Variants in CSTPP1 observed in about 807,000 individuals in gnomAD.
The protein encoded by CSTPP1 is centriolar satellite-associated tubulin polyglutamylase complex regulator 1, also known as UPF0705 protein C11orf49.
At chr11:47,090,067 T>C in the CSTPP1 span, among the ~76,000 whole-genome samples, 5 of 152,178 alleles carry the variant, frequency 3.3e-5, no homozygotes, top group Non-Finnish European at 7.3e-5. Flanking sequence ...CCACAACCTC[T>C]GCCTCCCAGG....
chr11:47,163,891 CCGCCT>C, the CSTPP1 span, among the ~76,000 whole-genome samples: 9 of 152,150 alleles, frequency 5.9e-5, no homozygotes, highest in Non-Finnish European at 1.2e-4. Flanking sequence ...AGTGATCCAC[CCGCCT>C]CAGCCTCCCA....
chr11:47,066,093 GTTT>G, the CSTPP1 span, among the ~76,000 whole-genome samples: 8 of 39,286 alleles, frequency 2.0e-4, no homozygotes, highest in Admixed American at 1.1e-3. Context: ...TGCCTTGTGG[GTTT>G]TTTTTTTTTT....
At chr11:47,162,213 T>C in the CSTPP1 span, 2 of 985,500 alleles carry the variant, frequency 2.0e-6, no homozygotes, top group Non-Finnish European at 2.4e-6. Context: ...TAAACAAACA[T>C]GTGAAACGAA....
the CSTPP1 span, among the ~76,000 whole-genome samples, chr11:47,162,686 G>A: frequency 6.6e-6 from 1 of 152,118 alleles, no homozygotes; most frequent in Admixed American, 6.5e-5. Flanking sequence ...TCTTTGGATT[G>A]AGGGCTGAAG....
the CSTPP1 span, among the ~76,000 whole-genome samples, chr11:47,065,271 G>T: frequency 6.6e-6 from 1 of 151,866 alleles, no homozygotes; most frequent in Non-Finnish European, 1.5e-5. Flanking sequence ...ATGAACATAG[G>T]ATGTGTTTCC....
chr11:47,163,809 G>A, the CSTPP1 span, among the ~76,000 whole-genome samples: 4 of 151,562 alleles, frequency 2.6e-5, no homozygotes, highest in Non-Finnish European at 4.4e-5. Context: ...CCCCCACCCC[G>A]CTAATTTTGT....
the CSTPP1 span, among the ~76,000 whole-genome samples, chr11:47,128,987 T>C: frequency 1.3e-5 from 2 of 152,206 alleles, no homozygotes; most frequent in Admixed American, 6.5e-5. Context: ...TATATCACCA[T>C]TGGGAGGGTG....
At chr11:47,030,633 G>C in the CSTPP1 span, among the ~76,000 whole-genome samples, 4 of 152,220 alleles carry the variant, frequency 2.6e-5, no homozygotes, top group Admixed American at 2.6e-4. Context: ...ATTAAGCCTA[G>C]TACCCATTAG....
At chr11:46,990,273 C>T in the CSTPP1 span, among the ~76,000 whole-genome samples, 4 of 152,200 alleles carry the variant, frequency 2.6e-5, no homozygotes, top group African/African-American at 9.6e-5. Flanking sequence ...TAAGCATCCT[C>T]TTTTCTCAGC....
At chr11:47,156,944 G>GGAA in the CSTPP1 span, 1 of 1,465,212 alleles carries the variant, frequency 6.8e-7, no homozygotes. Flanking sequence ...GACAGAGAAG[G>GGAA]GAAGACATAG....
At chr11:47,083,542 T>A in the CSTPP1 span, among the ~76,000 whole-genome samples, 1 of 152,216 alleles carries the variant, frequency 6.6e-6, no homozygotes, top group African/African-American at 2.4e-5. Flanking sequence ...ATGCCTGCAC[T>A]CTGTTACATT....
the CSTPP1 span, among the ~76,000 whole-genome samples, chr11:47,076,887 C>A: frequency 6.7e-6 from 1 of 148,464 alleles, no homozygotes; most frequent in Admixed American, 6.7e-5. Flanking sequence ...ATTGTAATAG[C>A]TGAAAGAAAA....
At chr11:47,028,938 AG>A in the CSTPP1 span, among the ~76,000 whole-genome samples, 1 of 151,980 alleles carries the variant, frequency 6.6e-6, no homozygotes, top group African/African-American at 2.4e-5. Context: ...CCCGGGCTCA[AG>A]CCGTCTTCCC....
chr11:47,023,643 A>C, the CSTPP1 span, among the ~76,000 whole-genome samples: 1 of 152,140 alleles, frequency 6.6e-6, no homozygotes, highest in African/African-American at 2.4e-5. Context: ...GGCAATCACC[A>C]TGCTACTTTC....
the CSTPP1 span, among the ~76,000 whole-genome samples, chr11:47,030,123 C>T: frequency 6.6e-6 from 1 of 151,900 alleles, no homozygotes; most frequent in Admixed American, 6.6e-5. Context: ...TAAGACCCTG[C>T]CTCAAAACAA....
the CSTPP1 span, among the ~76,000 whole-genome samples, chr11:46,986,166 A>G: frequency 6.6e-6 from 1 of 152,254 alleles, no homozygotes; most frequent in African/African-American, 2.4e-5. Flanking sequence ...AAACAGGTGT[A>G]GACTAAGTAA....
At chr11:47,116,584 G>T in the CSTPP1 span, among the ~76,000 whole-genome samples, 8 of 148,406 alleles carry the variant, frequency 5.4e-5, no homozygotes, top group Non-Finnish European at 8.9e-5. Flanking sequence ...GGCCTTCTTT[G>T]TCTCTTTTGA....
At chr11:47,137,909 G>A in the CSTPP1 span, 79 of 638,376 alleles carry the variant, frequency 1.2e-4, no homozygotes, top group African/African-American at 1.0e-3. Context: ...AAAGGGAAGC[G>A]AAATGATCCT....
the CSTPP1 span, among the ~76,000 whole-genome samples, chr11:46,937,960 T>A: frequency 6.6e-6 from 1 of 152,172 alleles, no homozygotes; most frequent in African/African-American, 2.4e-5. Context: ...CTGCAACCTC[T>A]GCCTCCCGGA....
Sources: gnomAD v4.1 joint callset for allele counts (sites outside exome capture counted in the v4.1 genomes callset) on GRCh38, gnomAD v4.1.1 for gene constraint, MANE v1.5 for transcripts, NCBI Gene and HGNC (gene_info 2026-07-23, HGNC 2026-07-21) for gene names.